LARGE1: variants seen among roughly 807,000 people sequenced by gnomAD.
LARGE1 encodes the protein LARGE xylosyl- and glucuronyltransferase 1.
LARGE1 carries 43 observed loss-of-function variants against 87.6 expected under a neutral mutation model. The ratio of observed to expected loss-of-function variants is 0.49; its 90% CI spans 0.38 to 0.63. The LOEUF is 0.63. Among genes scored for constraint, LARGE1 ranks in the 30% least tolerant of loss-of-function variants. The pLI is 0.00. For synonymous variants in LARGE1, 434 were observed against 394.6 expected, an observed-to-expected ratio of 1.10 and a Z score of -1.18; for missense variants, 802 against 1,000.2, an observed-to-expected ratio of 0.80 and a Z score of 2.67.
chr22:33,669,293 C>T (rs1413172927), intron 2 of LARGE1, among the ~76,000 whole-genome samples: 1 of 152,204 alleles, frequency 6.6e-6, no homozygotes, highest in Non-Finnish European at 1.5e-5. Flanking sequence ...GGGAATAGGA[C>T]ATGATGTTCT....
At chr22:33,278,933 T>C (rs1386887000) in intron 13 of LARGE1, among the ~76,000 whole-genome samples, 1 of 152,136 alleles carries the variant, frequency 6.6e-6, no homozygotes, top group Non-Finnish European at 1.5e-5. Context: ...TTGGCCAGGA[T>C]GGTCTCCATC....
At chr22:33,179,727 G>C (rs2146161612) in intron 11 of LARGE1, among the ~76,000 whole-genome samples, 1 of 152,262 alleles carries the variant, frequency 6.6e-6, no homozygotes, top group South Asian at 2.1e-4. Context: ...GATTCAGTTA[G>C]ACTAGCAACT....
intron 1 of LARGE1, among the ~76,000 whole-genome samples, chr22:33,866,423 T>C (rs2064106083): frequency 1.3e-5 from 2 of 152,314 alleles, no homozygotes; most frequent in South Asian, 4.1e-4. Context: ...ACTACCCATG[T>C]CTAGCGGTGA....
At chr22:33,846,535 G>A (rs1021518398) in intron 1 of LARGE1, among the ~76,000 whole-genome samples, 3 of 152,222 alleles carry the variant, frequency 2.0e-5, no homozygotes, top group African/African-American at 7.2e-5. Context: ...CAATTGTTCA[G>A]GGAATAAGAG....
intron 11 of LARGE1, among the ~76,000 whole-genome samples, chr22:33,170,572 T>C (rs181526436): frequency 6.6e-6 from 1 of 152,224 alleles, no homozygotes; most frequent in East Asian, 1.9e-4. Flanking sequence ...TCATAAGATC[T>C]GATGGTTTAA....
chr22:33,912,044 T>C (rs1312935196), intron 1 of LARGE1, among the ~76,000 whole-genome samples: 4 of 152,096 alleles, frequency 2.6e-5, no homozygotes, highest in African/African-American at 9.7e-5. Context: ...CCAGCACCAC[T>C]CCTGAAGAAA....
At chr22:33,559,249 T>G (rs943617355) in intron 6 of LARGE1, among the ~76,000 whole-genome samples, 2 of 152,228 alleles carry the variant, frequency 1.3e-5, no homozygotes, top group Non-Finnish European at 2.9e-5. Context: ...TGGTGTGATC[T>G]TGGCATACTG....
At chr22:33,473,168 C>CTT (rs993859600) in intron 6 of LARGE1, among the ~76,000 whole-genome samples, 1 of 145,274 alleles carries the variant, frequency 6.9e-6, no homozygotes, top group African/African-American at 2.5e-5. Context: ...TCATATCTCT[C>CTT]TTTTTTTTTT....
At chr22:33,522,012 T>C (rs548047727) in intron 6 of LARGE1, among the ~76,000 whole-genome samples, 1 of 152,144 alleles carries the variant, frequency 6.6e-6, no homozygotes, top group Non-Finnish European at 1.5e-5. Flanking sequence ...GCCAGCTTCT[T>C]TAAACAACTA....
Position 33,277,192 on chromosome 22 carries a change from C to T in LARGE1, c.1941G>A (p.Thr647=), listed in dbSNP as rs770327327. Residue 647 remains threonine (T), a synonymous_variant, in exon 14 of 15, where the codon ACG becomes ACA. Coordinates refer to ENST00000397394, the MANE Select transcript of LARGE1 (RefSeq NM_133642.5). ...TNFAKWRTAT[T]PYRVEWEADF... Reference sequence around the variant, plus strand: ...CGGCCTCCCACTCAACCCGGTAAGGCGTGGTGGCGGTCCGCCACTTGGCGA... The same window carrying T: ...CGGCCTCCCACTCAACCCGGTAAGGTGTGGTGGCGGTCCGCCACTTGGCGA... 1.9e-5 allele frequency: 31 copies of T among 1,614,114 alleles called. No individual in the cohort carries two copies. In the South Asian group the frequency reaches 2.0e-4, roughly 10 times the overall value.
intron 11 of LARGE1, among the ~76,000 whole-genome samples, chr22:33,189,519 C>T (rs1328141366): frequency 2.0e-5 from 3 of 152,160 alleles, no homozygotes; most frequent in African/African-American, 7.2e-5. Flanking sequence ...TTTTATTGCG[C>T]TGCTTTCTAG....
At chr22:33,417,617 T>C (rs897081063) in intron 7 of LARGE1, among the ~76,000 whole-genome samples, 1 of 152,212 alleles carries the variant, frequency 6.6e-6, no homozygotes, top group African/African-American at 2.4e-5. Flanking sequence ...GTGAGAAATC[T>C]TGGGGGCTCA....
At chr22:33,909,779 T>C (rs1021015872) in intron 1 of LARGE1, among the ~76,000 whole-genome samples, 7 of 152,100 alleles carry the variant, frequency 4.6e-5, no homozygotes, top group Non-Finnish European at 7.4e-5. Flanking sequence ...ACCTCATGAT[T>C]CGCCCGCCTC....
chr22:33,728,551 CAAAAA>C lies in LARGE1; in HGVS notation c.106+32815_106+32819del, dbSNP rs57790780. 3.7e-3 allele frequency among the ~76,000 whole-genome samples: 140 copies of C among 37,472 alleles called. 4 individuals are homozygous for C. The highest frequency in any genetic ancestry group is 4.9e-3 in the East Asian group (5 of 1,012). 24.6% of individuals were successfully genotyped at this position (37,472 alleles called of 152,430 possible). On this transcript the variant is annotated intron_variant, in intron 2 of 14. Coordinates refer to ENST00000397394, the MANE Select transcript of LARGE1 (RefSeq NM_133642.5). The stretch of plus-strand genomic sequence containing the variant: ...GAGACTCCGTCTCCACCCCTACCAC[CAAAAA>C]AAAAAAAAAAAAAAAAAAAAAAACC...
chr22:33,387,519 A>T (rs8140239), intron 7 of LARGE1, among the ~76,000 whole-genome samples: 13,476 of 131,958 alleles, frequency 0.1, 1,111 homozygotes, highest in African/African-American at 0.28. Flanking sequence ...CCAATGTATT[A>T]AAAAATGGGG....
At chr22:33,110,427 G>C in the LARGE1 span, 1 of 152,230 alleles carries the variant, frequency 6.6e-6, no homozygotes, top group Non-Finnish European at 1.5e-5. Context: ...CTCTCTCTCT[G>C]GAGAAAGCAT....
the LARGE1 span, among the ~76,000 whole-genome samples, chr22:33,073,004 C>G: frequency 2.6e-5 from 4 of 152,100 alleles, no homozygotes; most frequent in African/African-American, 9.7e-5. Context: ...GCGGCCGTCT[C>G]GAGGGATATA....
At chr22:33,639,858 C>G (rs1039054352) in intron 3 of LARGE1, among the ~76,000 whole-genome samples, 11 of 152,160 alleles carry the variant, frequency 7.2e-5, no homozygotes, top group African/African-American at 2.4e-4. Flanking sequence ...GCACAGGCAA[C>G]AGAAATATGC....
chr22:33,358,205 T>C (rs920208386), intron 9 of LARGE1, among the ~76,000 whole-genome samples: 5 of 152,090 alleles, frequency 3.3e-5, no homozygotes, highest in African/African-American at 1.2e-4. Context: ...GGTCATACAA[T>C]GAAAGAAATG....
Sources: allele counts gnomAD v4.1 joint callset (sites outside exome capture counted in the v4.1 genomes callset), GRCh38; gene constraint gnomAD v4.1.1; transcripts MANE v1.5; gene names NCBI Gene and HGNC (gene_info 2026-07-23, HGNC 2026-07-21).